Variants in FRMD4A observed in about 807,000 individuals in gnomAD.
FRMD4A encodes the protein FERM domain-containing protein 4A.
In FRMD4A, 29 loss-of-function variants were observed where a neutral mutation model predicts 129.1. That is an observed-to-expected ratio of 0.22 (90% CI 0.17 to 0.31). The LOEUF (loss-of-function observed/expected upper bound fraction) is 0.31. Among genes scored for constraint, FRMD4A ranks in the 10% least tolerant of loss-of-function variants. The pLI is 1.00. For missense variants in FRMD4A, 1,272 were observed against 1,375.8 expected, an observed-to-expected ratio of 0.92 and a Z score of 1.19; for synonymous variants, 634 against 571.6, an observed-to-expected ratio of 1.11 and a Z score of -1.56.
intron 2 of FRMD4A, among the ~76,000 whole-genome samples, chr10:14,268,596 C>T (rs1329406011): frequency 2.6e-5 from 4 of 152,204 alleles, no homozygotes; most frequent in Non-Finnish European, 5.9e-5. Flanking sequence ...GCCAAGGACT[C>T]CAACAAACTA....
intron 2 of FRMD4A, among the ~76,000 whole-genome samples, chr10:13,906,932 G>A (rs930573136): frequency 2.6e-5 from 4 of 152,154 alleles, no homozygotes; most frequent in Non-Finnish European, 4.4e-5. Context: ...ACATCTAAAG[G>A]TGCGTGCTCT....
chr10:13,706,782 G>C (rs977418613), intron 13 of FRMD4A, among the ~76,000 whole-genome samples: 6 of 87,562 alleles, frequency 6.9e-5, no homozygotes, highest in African/African-American at 2.1e-4. Context: ...ACACACACGA[G>C]CCAGGGACAC....
rs1164404462 is a variant in FRMD4A at position 13,652,205 on chromosome 10, T to C, written c.3051-231A>G. ...GGGCCCTCTTTTACCCATGGCCTCA[T>C]TTTGTATCACATCATAGCAAACAGT... On this transcript the variant is annotated intron_variant, in intron 23 of 24. Transcript: ENST00000357447. The C allele has an allele frequency of 2.6e-5, 15 of 579,226 alleles. No homozygotes were observed. In the Admixed American group the frequency reaches 3.1e-4, roughly 12 times the overall value. 35.9% of individuals were successfully genotyped at this position (579,226 alleles called of 1,614,324 possible).
intron 15 of FRMD4A, among the ~76,000 whole-genome samples, chr10:13,681,067 A>G (rs1208751811): frequency 2.6e-5 from 4 of 152,184 alleles, no homozygotes; most frequent in African/African-American, 9.7e-5. Context: ...TGAATTCACT[A>G]TTACTCAATA....
intron 12 of FRMD4A, among the ~76,000 whole-genome samples, chr10:13,728,791 C>T (rs1350431658): frequency 6.6e-6 from 1 of 151,868 alleles, no homozygotes; most frequent in East Asian, 1.9e-4. Flanking sequence ...AGGCTGGCCT[C>T]GAACTCCTGA....
At position 14,124,830 on chromosome 10, in the gene FRMD4A, T is replaced by C. The variant is rs965555118; in HGVS notation, c.45+205228A>G. On this transcript the variant is annotated intron_variant, in intron 2 of 24. Transcript: ENST00000357447. ...ACTGCATTACCTTTCCTGGCCTCATTTTTCTCACCTGTAAAAAGGCATGTT... is the reference window on the plus strand; with the variant it reads ...ACTGCATTACCTTTCCTGGCCTCATCTTTCTCACCTGTAAAAAGGCATGTT... 2.6e-5 allele frequency among the ~76,000 whole-genome samples: 4 copies of C among 152,192 alleles called. No homozygotes were observed. The South Asian group carries it at 8.3e-4, about 31-fold the overall frequency.
intron 12 of FRMD4A, chr10:13,707,386 C>A (rs1241849780): frequency 8.8e-7 from 1 of 1,134,838 alleles, no homozygotes; most frequent in African/African-American, 1.6e-5. Context: ...CGCCTTCGGT[C>A]GGCCTTTGTT....
intron 2 of FRMD4A, among the ~76,000 whole-genome samples, chr10:14,202,599 C>T (rs1842671702): frequency 6.6e-6 from 1 of 151,996 alleles, no homozygotes; most frequent in African/African-American, 2.4e-5. Flanking sequence ...CGGGGTTTCA[C>T]CATATTGGCC....
chr10:13,746,507 G>A (rs1046670330), intron 9 of FRMD4A, among the ~76,000 whole-genome samples: 12 of 152,160 alleles, frequency 7.9e-5, no homozygotes, highest in African/African-American at 2.9e-4. Flanking sequence ...GTTCAATGCT[G>A]CTAATGAGCC....
At chr10:14,328,987 C>A (rs1273536751) in intron 2 of FRMD4A, among the ~76,000 whole-genome samples, 1 of 152,172 alleles carries the variant, frequency 6.6e-6, no homozygotes, top group Non-Finnish European at 1.5e-5. Context: ...TCAACTAAAT[C>A]TGTGGACCCA....
chr10:14,145,298 C>T (rs984924701), intron 2 of FRMD4A, among the ~76,000 whole-genome samples: 10 of 152,206 alleles, frequency 6.6e-5, no homozygotes, highest in Non-Finnish European at 1.2e-4. Context: ...TCCCCCAGAT[C>T]AAACTCATCT....
At chr10:13,766,395 G>A (rs2092288228) in intron 6 of FRMD4A, among the ~76,000 whole-genome samples, 1 of 152,218 alleles carries the variant, frequency 6.6e-6, no homozygotes, top group Non-Finnish European at 1.5e-5. Context: ...AAAACAGGAG[G>A]AGGTGAAATG....
intron 2 of FRMD4A, among the ~76,000 whole-genome samples, chr10:14,172,465 G>A: frequency 6.6e-6 from 1 of 152,168 alleles, no homozygotes; most frequent in Non-Finnish European, 1.5e-5. Context: ...TGTGATTTAC[G>A]CAGAGCCTGG....
At chr10:13,877,612 T>C (rs916113924) in intron 2 of FRMD4A, among the ~76,000 whole-genome samples, 1 of 152,226 alleles carries the variant, frequency 6.6e-6, no homozygotes, top group African/African-American at 2.4e-5. Context: ...CCACAGTGAC[T>C]TTGACATCCA....
intron 20 of FRMD4A, 23 bp downstream of exon 20, chr10:13,660,293 G>A (rs1209103167): frequency 7.5e-6 from 11 of 1,471,796 alleles, no homozygotes; most frequent in Non-Finnish European, 1.0e-5. Context: ...GCCTCATTTG[G>A]CCTCATTCAC....
At chr10:14,096,709 CAGGAGTTGATGACTCAGGAG>C (rs1412415256) in intron 2 of FRMD4A, among the ~76,000 whole-genome samples, 1 of 152,186 alleles carries the variant, frequency 6.6e-6, no homozygotes, top group African/African-American at 2.4e-5. Context: ...CTCTGCTCTG[CAGGAGTTGATGACTCAGGAG>C]AGACACCTGA....
At chr10:13,898,424 G>C (rs1014055451) in intron 2 of FRMD4A, among the ~76,000 whole-genome samples, 1 of 152,184 alleles carries the variant, frequency 6.6e-6, no homozygotes, top group Admixed American at 6.5e-5. Context: ...AGAGGTCCAA[G>C]GTGGCCTGAG....
intron 6 of FRMD4A, among the ~76,000 whole-genome samples, chr10:13,765,677 G>C (rs1480717550): frequency 6.6e-6 from 1 of 152,210 alleles, no homozygotes; most frequent in Non-Finnish European, 1.5e-5. Context: ...CTTTACGGCG[G>C]TTGGAATTGA....
At chr10:14,274,108 C>A (rs1845257634) in intron 2 of FRMD4A, among the ~76,000 whole-genome samples, 1 of 152,192 alleles carries the variant, frequency 6.6e-6, no homozygotes, top group Admixed American at 6.5e-5. Flanking sequence ...TGTGTACAGA[C>A]AAGGAATGTG....
Sources: gnomAD v4.1 joint callset for allele counts (sites outside exome capture counted in the v4.1 genomes callset) on GRCh38, gnomAD v4.1.1 for gene constraint, MANE v1.5 for transcripts, NCBI Gene and HGNC (gene_info 2026-07-23, HGNC 2026-07-21) for gene names.